IQCJ: variants seen among roughly 807,000 people sequenced by gnomAD.
The protein encoded by IQCJ is IQ domain-containing protein J.
Under a neutral mutation model 11.0 loss-of-function variants are expected in IQCJ, and 9 were observed. The ratio of observed to expected loss-of-function variants is 0.82; its 90% CI spans 0.49 to 1.43. The LOEUF is 1.43. Ranked by LOEUF, IQCJ falls within the 40% of genes most tolerant of loss-of-function variation. The pLI, the probability that IQCJ is intolerant of heterozygous loss-of-function variation, is 0.00. For missense variants in IQCJ, 146 were observed against 133.2 expected, an observed-to-expected ratio of 1.10 and a Z score of -0.47; for synonymous variants, 55 against 51.3, an observed-to-expected ratio of 1.07 and a Z score of -0.31.
At chr3:159,214,872 C>T (rs1199244254) in intron 1 of IQCJ, among the ~76,000 whole-genome samples, 1 of 152,102 alleles carries the variant, frequency 6.6e-6, no homozygotes, top group Non-Finnish European at 1.5e-5. Context: ...AAAACTGTAT[C>T]CAGCAAGTCT....
chr3:159,234,979 G>A (rs2166989), intron 1 of IQCJ, among the ~76,000 whole-genome samples: 4,511 of 152,232 alleles, frequency 0.03, 222 homozygotes, highest in African/African-American at 0.1. Context: ...GTTACATGTT[G>A]TTCTGATTGC....
intron 1 of IQCJ, among the ~76,000 whole-genome samples, chr3:159,224,037 C>CA (rs1725698932): frequency 6.6e-6 from 1 of 151,162 alleles, no homozygotes; most frequent in Admixed American, 6.6e-5. Context: ...TTATACACCC[C>CA]AGATTATAAT....
chr3:159,155,457 C>T (rs552694718), intron 1 of IQCJ, among the ~76,000 whole-genome samples: 1 of 152,332 alleles, frequency 6.6e-6, no homozygotes, highest in African/African-American at 2.4e-5. Context: ...CATGCCTGGC[C>T]TCAGTCATTT....
At chr3:159,076,137 G>A (rs1172466034) in intron 1 of IQCJ, among the ~76,000 whole-genome samples, 2 of 152,034 alleles carry the variant, frequency 1.3e-5, no homozygotes, top group Admixed American at 6.6e-5. Flanking sequence ...TTAAAAATAT[G>A]TTGCTACCAT....
At chr3:159,114,794 C>A (rs1193814442) in intron 1 of IQCJ, among the ~76,000 whole-genome samples, 1 of 152,188 alleles carries the variant, frequency 6.6e-6, no homozygotes, top group Non-Finnish European at 1.5e-5. Context: ...CAAAACAATA[C>A]CCCCTTCTCT....
chr3:159,166,430 C>G (rs1310864438), intron 1 of IQCJ, among the ~76,000 whole-genome samples: 1 of 152,132 alleles, frequency 6.6e-6, no homozygotes, highest in Non-Finnish European at 1.5e-5. Flanking sequence ...CATGAGAATT[C>G]TTATAATCTG....
chr3:159,144,249 C>T (rs1720791584), intron 1 of IQCJ, among the ~76,000 whole-genome samples: 1 of 152,268 alleles, frequency 6.6e-6, no homozygotes, highest in African/African-American at 2.4e-5. Context: ...AGTTGCAGAT[C>T]CAGGACTGAA....
chr3:159,085,145 C>T (rs907014108), intron 1 of IQCJ, among the ~76,000 whole-genome samples: 2 of 151,738 alleles, frequency 1.3e-5, no homozygotes, highest in Non-Finnish European at 2.9e-5. Context: ...TCAATTCCCA[C>T]CTATTAGTGA....
At chr3:159,236,737 T>C (rs1726616174) in intron 1 of IQCJ, among the ~76,000 whole-genome samples, 1 of 152,182 alleles carries the variant, frequency 6.6e-6, no homozygotes, top group Non-Finnish European at 1.5e-5. Flanking sequence ...ATAATCAATA[T>C]TTCATGTTTA....
chr3:159,108,043 A>G (rs1718384835), intron 1 of IQCJ, among the ~76,000 whole-genome samples: 1 of 151,842 alleles, frequency 6.6e-6, no homozygotes, highest in African/African-American at 2.4e-5. Flanking sequence ...AATTCTAGAA[A>G]ATGACCAATG....
chr3:159,126,259 T>C (rs73164357), intron 1 of IQCJ, among the ~76,000 whole-genome samples: 49,741 of 151,716 alleles, frequency 0.33, 8,434 homozygotes, highest in Non-Finnish European at 0.39. Flanking sequence ...CCTCTTAGAG[T>C]CTCAGTTTGC....
chr3:159,136,263 G>A (rs371186744), intron 1 of IQCJ, among the ~76,000 whole-genome samples: 1 of 152,110 alleles, frequency 6.6e-6, no homozygotes, highest in South Asian at 2.1e-4. Flanking sequence ...AGATTATGTA[G>A]TACAGTTCAC....
intron 1 of IQCJ, among the ~76,000 whole-genome samples, chr3:159,144,949 G>T (rs540708281): frequency 2.0e-5 from 3 of 152,266 alleles, no homozygotes; most frequent in South Asian, 2.1e-4. Flanking sequence ...ATGGTTAAAA[G>T]TCTCCTCAGA....
rs546321010 is a variant in IQCJ at position 159,140,143 on chromosome 3, C to T, written c.9+70702C>T. On this transcript the variant is annotated intron_variant, in intron 1 of 3. Coordinates refer to ENST00000397832, the MANE Select transcript of IQCJ (RefSeq NM_001042706.3). ...ACATTTGTTAGTTAATGAGGCTACA[C>T]TGACACATCATTAGCACACAAAGTC... Among the ~76,000 whole-genome samples the T allele has an allele frequency of 2.8e-4, 42 of 152,312 alleles. No individual in the cohort carries two copies. The South Asian group carries it at 8.5e-3, about 31-fold the overall frequency.
chr3:159,137,015 G>A (rs570826380), intron 1 of IQCJ, among the ~76,000 whole-genome samples: 1 of 152,242 alleles, frequency 6.6e-6, no homozygotes, highest in East Asian at 1.9e-4. Flanking sequence ...TGTAATCCCA[G>A]CACTTTGGGA....
chr3:159,137,905 C>T (rs2108173846), intron 1 of IQCJ, among the ~76,000 whole-genome samples: 1 of 152,308 alleles, frequency 6.6e-6, no homozygotes, highest in Admixed American at 6.5e-5. Flanking sequence ...ACCATTCCAA[C>T]ATAACCCTTT....
In IQCJ at chr3:159,109,063, A is replaced by G. The variant is rs73877503; in HGVS notation, c.9+39622A>G. ...AGGTATAATTGCTCTCAATTTACCA[A>G]TGACAAGCCCTGAACTGAAAGCTCT... is the stretch of plus-strand genomic sequence containing the variant. On this transcript the variant is annotated intron_variant, in intron 1 of 3. Coordinates refer to ENST00000397832, the MANE Select transcript of IQCJ (RefSeq NM_001042706.3). Among the ~76,000 whole-genome samples, 1,486 of 152,334 alleles carry G rather than the reference A, an allele frequency of 9.8e-3. 19 individuals carry two copies. The highest frequency in any genetic ancestry group is 0.035 in the African/African-American group (1,441 of 41,562).
intron 1 of IQCJ, among the ~76,000 whole-genome samples, chr3:159,079,061 G>T (rs1247174054): frequency 6.6e-6 from 1 of 152,108 alleles, no homozygotes. Context: ...GGAGGTGACA[G>T]CCAGGAGCTG....
At chr3:159,137,565 A>G (rs1720368188) in intron 1 of IQCJ, among the ~76,000 whole-genome samples, 1 of 152,186 alleles carries the variant, frequency 6.6e-6, no homozygotes, top group African/African-American at 2.4e-5. Flanking sequence ...TTGGGACAGT[A>G]TCTCTGTTTC....
Sources: gnomAD v4.1 joint callset for allele counts (sites outside exome capture counted in the v4.1 genomes callset) on GRCh38, gnomAD v4.1.1 for gene constraint, MANE v1.5 for transcripts, NCBI Gene and HGNC (gene_info 2026-07-23, HGNC 2026-07-21) for gene names.